The following CDH12 variants were observed in gnomAD, a reference collection of about 807,000 sequenced individuals.
The protein encoded by CDH12 is cadherin-12.
CDH12 carries 41 observed loss-of-function variants against 74.1 expected under a neutral mutation model. That is an observed-to-expected ratio of 0.55 (90% CI 0.43 to 0.72). The LOEUF (loss-of-function observed/expected upper bound fraction) is 0.72, where lower values mean the gene tolerates loss of function less well. Ranked by LOEUF, CDH12 falls within the 30% of genes least tolerant of loss-of-function variation. The probability of loss-of-function intolerance (pLI) is 0.00; values close to 1 mark genes in which losing one functional copy is unlikely to be tolerated. For synonymous variants in CDH12, 399 were observed against 355.0 expected, an observed-to-expected ratio of 1.12 and a Z score of -1.39; for missense variants, 945 against 977.2, an observed-to-expected ratio of 0.97 and a Z score of 0.44.
At chr5:22,466,863 A>G (rs1445547721) in intron 2 of CDH12, among the ~76,000 whole-genome samples, 6 of 126,872 alleles carry the variant, frequency 4.7e-5, no homozygotes, top group African/African-American at 1.8e-4. Flanking sequence ...GTCTCGGCTC[A>G]CTGCAACCTC....
At chr5:22,388,467 T>A (rs950116201) in intron 3 of CDH12, among the ~76,000 whole-genome samples, 1 of 152,028 alleles carries the variant, frequency 6.6e-6, no homozygotes, top group African/African-American at 2.4e-5. Flanking sequence ...ATCATAAAGA[T>A]TAAGAAAACA....
At chr5:22,779,733 G>A (rs2126342458) in intron 1 of CDH12, among the ~76,000 whole-genome samples, 1 of 152,108 alleles carries the variant, frequency 6.6e-6, no homozygotes, top group Admixed American at 6.6e-5. Flanking sequence ...CATGTAAGAT[G>A]TGCCTGTTTT....
intron 1 of CDH12, among the ~76,000 whole-genome samples, chr5:22,675,495 A>G (rs1741117517): frequency 6.6e-6 from 1 of 152,196 alleles, no homozygotes; most frequent in Admixed American, 6.6e-5. Context: ...CTACAGGCTC[A>G]TAGACAGAAG....
At chr5:22,731,029 G>A (rs1744409755) in intron 1 of CDH12, among the ~76,000 whole-genome samples, 1 of 151,784 alleles carries the variant, frequency 6.6e-6, no homozygotes, top group African/African-American at 2.4e-5. Context: ...GTGTTCAGAT[G>A]TGTTTACTCT....
At chr5:21,899,786 T>C (rs1230516273) in intron 6 of CDH12, among the ~76,000 whole-genome samples, 1 of 145,524 alleles carries the variant, frequency 6.9e-6, no homozygotes, top group Non-Finnish European at 1.5e-5. Flanking sequence ...TCTAGCTTTT[T>C]TGAATATTAA....
chr5:21,941,076 A>G (rs1755308976), intron 6 of CDH12, among the ~76,000 whole-genome samples: 1 of 152,144 alleles, frequency 6.6e-6, no homozygotes, highest in Non-Finnish European at 1.5e-5. Flanking sequence ...TCTAAATGTA[A>G]TTTGGTACAC....
intron 1 of CDH12, among the ~76,000 whole-genome samples, chr5:22,552,466 T>C (rs2126735576): frequency 6.6e-6 from 1 of 151,892 alleles, no homozygotes; most frequent in Admixed American, 6.6e-5. Flanking sequence ...TTTCACTCTG[T>C]TGCCCAGGCT....
intron 1 of CDH12, among the ~76,000 whole-genome samples, chr5:22,684,833 A>G (rs1029342058): frequency 4.0e-4 from 61 of 152,300 alleles, no homozygotes; most frequent in African/African-American, 1.3e-3. Flanking sequence ...TTATTCTTCA[A>G]TCAGAATCAG....
In CDH12 at chr5:22,427,988, C is replaced by T. The variant is rs111481239; in HGVS notation, c.-427-22637G>A. The stretch of plus-strand genomic sequence containing the variant: ...TATAAAAGAAAAGAAGAACACATAT[C>T]GAGGGACTACTAGTAGGTTCTACTA... On this transcript the variant is annotated intron_variant, in intron 2 of 14. Transcript: ENST00000382254. Among the ~76,000 whole-genome samples, 596 of 152,174 alleles carry T rather than the reference C, an allele frequency of 3.9e-3. 7 individuals carry two copies. Among genetic ancestry groups the T allele is most frequent in the African/African-American group, 0.014 (566 of 41,534 alleles).
chr5:21,824,099 C>T (rs1459845003), intron 8 of CDH12, among the ~76,000 whole-genome samples: 1 of 152,116 alleles, frequency 6.6e-6, no homozygotes, highest in Non-Finnish European at 1.5e-5. Flanking sequence ...ATTAAGACTT[C>T]TCCCCTTGGC....
intron 6 of CDH12, among the ~76,000 whole-genome samples, chr5:21,868,831 A>C (rs934301691): frequency 6.6e-6 from 1 of 152,172 alleles, no homozygotes; most frequent in Non-Finnish European, 1.5e-5. Context: ...TGTTGGAACA[A>C]GTTAAGACTT....
intron 1 of CDH12, among the ~76,000 whole-genome samples, chr5:22,672,548 T>C (rs1407863568): frequency 6.6e-6 from 1 of 152,126 alleles, no homozygotes; most frequent in Non-Finnish European, 1.5e-5. Flanking sequence ...GCTTCCACCA[T>C]CCACCCTTCT....
intron 1 of CDH12, among the ~76,000 whole-genome samples, chr5:22,838,386 C>G (rs969764643): frequency 6.6e-6 from 1 of 152,164 alleles, no homozygotes; most frequent in Non-Finnish European, 1.5e-5. Flanking sequence ...GGCTTATTCT[C>G]TCTGATCCTC....
intron 3 of CDH12, among the ~76,000 whole-genome samples, chr5:22,272,874 A>T (rs186082696): frequency 6.6e-6 from 1 of 152,288 alleles, no homozygotes; most frequent in Admixed American, 6.5e-5. Context: ...TTGACTCACA[A>T]TTCTGGATGG....
chr5:22,811,303 T>C (rs191840156), intron 1 of CDH12, among the ~76,000 whole-genome samples: 1 of 152,254 alleles, frequency 6.6e-6, no homozygotes, highest in Admixed American at 6.5e-5. Context: ...TCACTATTCT[T>C]GATCATTTGC....
intron 5 of CDH12, among the ~76,000 whole-genome samples, chr5:22,033,980 G>A (rs754651316): frequency 2.6e-5 from 4 of 152,166 alleles, no homozygotes; most frequent in East Asian, 1.9e-4. Flanking sequence ...TTTTCTTCCT[G>A]TCTGGCACCT....
In CDH12 at chr5:22,237,164, T is replaced by C. The variant is rs1341113965; in HGVS notation, c.-332-24521A>G. Among the ~76,000 whole-genome samples, 5 of 152,162 alleles carry C rather than the reference T, an allele frequency of 3.3e-5. No homozygotes were observed. The East Asian group carries it at 9.6e-4, about 29-fold the overall frequency. ...CAGCACCGCAAACAGGTGAGTCATG[T>C]GCACACTACAACATTCGAATTTTTC... On this transcript the variant is annotated intron_variant, in intron 3 of 14. Transcript: ENST00000382254.
At chr5:22,178,265 C>G (rs1302900895) in intron 4 of CDH12, among the ~76,000 whole-genome samples, 1 of 152,078 alleles carries the variant, frequency 6.6e-6, no homozygotes, top group Non-Finnish European at 1.5e-5. Context: ...AGCTCAAATA[C>G]CATGGATACC....
intron 6 of CDH12, among the ~76,000 whole-genome samples, chr5:21,960,271 T>C (rs1756297020): frequency 6.6e-6 from 1 of 152,198 alleles, no homozygotes; most frequent in Non-Finnish European, 1.5e-5. Flanking sequence ...TGCTCTAAAA[T>C]TGACCACATA....
Sources: allele counts gnomAD v4.1 joint callset (sites outside exome capture counted in the v4.1 genomes callset), GRCh38; gene constraint gnomAD v4.1.1; transcripts MANE v1.5; gene names NCBI Gene and HGNC (gene_info 2026-07-23, HGNC 2026-07-21).